The following PBRM1 variants were observed in gnomAD, a reference collection of about 807,000 sequenced individuals.
The protein encoded by PBRM1 is polybromo 1, also known as protein polybromo-1.
PBRM1 carries 27 observed loss-of-function variants against 194.5 expected under a neutral mutation model. The ratio of observed to expected loss-of-function variants is 0.14; its 90% CI spans 0.10 to 0.19. The LOEUF (loss-of-function observed/expected upper bound fraction) is 0.19, where lower values mean the gene tolerates loss of function less well. Ranked by LOEUF, PBRM1 falls within the 10% of genes least tolerant of loss-of-function variation. PBRM1 has a pLI of 1.00. For synonymous variants in PBRM1, 655 were observed against 693.2 expected, an observed-to-expected ratio of 0.94 and a Z score of 0.87; for missense variants, 1,466 against 2,077.2, an observed-to-expected ratio of 0.71 and a Z score of 5.72.
chr3:52,647,872 G>C (rs762101033), intron 7 of PBRM1, among the ~76,000 whole-genome samples: 15 of 151,986 alleles, frequency 9.9e-5, no homozygotes, highest in Non-Finnish European at 1.8e-4. Flanking sequence ...TGGAGTGATG[G>C]CTGCCCAACT....
At chr3:52,576,437 G>T in intron 22 of PBRM1, 104 bp downstream of exon 24, 2 of 681,900 alleles carry the variant, frequency 2.9e-6, no homozygotes, top group Non-Finnish European at 4.6e-6. Flanking sequence ...TTTGGATTTG[G>T]GCACTGCTCT....
At chr3:52,632,002 T>G (rs1019531587) in intron 11 of PBRM1, among the ~76,000 whole-genome samples, 2 of 152,216 alleles carry the variant, frequency 1.3e-5, no homozygotes, top group Admixed American at 1.3e-4. Flanking sequence ...TTGAATGTTT[T>G]GAATTTTTAT....
rs58430288 is a variant in PBRM1, at chr3:52,571,856, C to CAAAAAAAAAAAA, written c.3691+4673_3691+4684dup. Among the ~76,000 whole-genome samples the CAAAAAAAAAAAA allele has an allele frequency of 2.0e-3, 74 of 37,090 alleles. 27 individuals are homozygous for CAAAAAAAAAAAA. Among genetic ancestry groups the CAAAAAAAAAAAA allele is most frequent in the African/African-American group, 7.9e-3 (69 of 8,722 alleles). 24.3% of individuals were successfully genotyped at this position (37,090 alleles called of 152,430 possible). On this transcript the variant is annotated intron_variant, in intron 22 of 29. Coordinates refer to ENST00000296302, the Ensembl canonical transcript of PBRM1. The stretch of plus-strand genomic sequence containing the variant: ...GAGCAAGAGGGATACCTCATCTCCC[C>CAAAAAAAAAAAA]AAAAAAAAAAAAAAAAAAAAAAAAA...
At chr3:52,667,104 C>T (rs1195183407) in intron 3 of PBRM1, among the ~76,000 whole-genome samples, 1 of 151,982 alleles carries the variant, frequency 6.6e-6, no homozygotes, top group East Asian at 1.9e-4. Flanking sequence ...TTATAAAAGA[C>T]AAAAATCAAT....
chr3:52,633,942 C>T (rs2095708018), intron 11 of PBRM1, among the ~76,000 whole-genome samples: 1 of 152,076 alleles, frequency 6.6e-6, no homozygotes, highest in South Asian at 2.1e-4. Flanking sequence ...ATCACTTTAA[C>T]ATTTTCTAAA....
intron 27 of PBRM1, 54 bp downstream of exon 29, chr3:52,554,670 G>A: frequency 6.9e-7 from 1 of 1,454,362 alleles, no homozygotes; most frequent in South Asian, 1.5e-5. Context: ...GTTGAAAGCG[G>A]AAAAAGAGAA....
chr3:52,618,780 T>TCACTCTTGTTGCCCAGGCTGGAGTGC (rs1314555958), intron 13 of PBRM1, among the ~76,000 whole-genome samples: 1 of 149,034 alleles, frequency 6.7e-6, no homozygotes, highest in Non-Finnish European at 1.5e-5. Context: ...AGATGGAGTT[T>TCACTCTTGTTGCCCAGGCTGGAGTGC]CACTCTTGTT....
intron 27 of PBRM1, among the ~76,000 whole-genome samples, chr3:52,554,298 T>C (rs2081740979): frequency 6.6e-6 from 1 of 152,212 alleles, no homozygotes; most frequent in Non-Finnish European, 1.5e-5. Flanking sequence ...GAGATAAGAA[T>C]TGCACCAGAG....
intron 21 of PBRM1, among the ~76,000 whole-genome samples, chr3:52,577,017 C>T (rs939653024): frequency 2.0e-5 from 3 of 152,190 alleles, no homozygotes; most frequent in Admixed American, 6.5e-5. Flanking sequence ...CAGAACTAAG[C>T]ATTTGTCATT....
At chr3:52,673,405 A>C (rs1007434639) in intron 2 of PBRM1, among the ~76,000 whole-genome samples, 2 of 151,280 alleles carry the variant, frequency 1.3e-5, no homozygotes, top group Non-Finnish European at 2.9e-5. Flanking sequence ...GCAGTGGCTC[A>C]TGCCTGTAAT....
intron 29 of PBRM1, 43 bp from the exon 32 acceptor site, chr3:52,548,278 T>A (rs768393935): frequency 6.7e-7 from 1 of 1,491,202 alleles, no homozygotes; most frequent in South Asian, 1.3e-5. Context: ...GAATTTTAAG[T>A]TGGCAAAATT....
intron 5 of PBRM1, among the ~76,000 whole-genome samples, chr3:52,657,781 TTTTC>T (rs1361982982): frequency 6.6e-6 from 1 of 150,434 alleles, no homozygotes; most frequent in Non-Finnish European, 1.5e-5. Flanking sequence ...AACATCTTCC[TTTTC>T]TTTTTTTTTT....
At chr3:52,678,557 T>C (rs1241024217) in exon 2 of PBRM1, 6 of 1,613,560 alleles carry the variant, frequency 3.7e-6, no homozygotes, top group Non-Finnish European at 4.2e-6. Context: ...TTCATCCTTA[T>C]AGTCTCGGAT....
At chr3:52,651,496 GA>G (rs1157001522) in intron 6 of PBRM1, among the ~76,000 whole-genome samples, 1 of 152,154 alleles carries the variant, frequency 6.6e-6, no homozygotes, top group Non-Finnish European at 1.5e-5. Context: ...AATTAAAAAT[GA>G]AATAAATCTT....
intron 29 of PBRM1, among the ~76,000 whole-genome samples, chr3:52,548,710 G>C (rs2080090521): frequency 6.6e-6 from 1 of 152,132 alleles, no homozygotes; most frequent in Non-Finnish European, 1.5e-5. Flanking sequence ...ACAGGTGTGA[G>C]CCACTGCACC....
Position 52,550,667 on chromosome 3 carries a change from C to G in PBRM1, c.4681-30G>C. On this transcript the variant is annotated intron_variant, in intron 28 of 29. Transcript: ENST00000296302. ...AAGAGCACAGGACCACATGGTGAGG[C>G]AAAAAGAGACTCTGCACATGTTCTG... is the stretch of plus-strand genomic sequence containing the variant. The G allele has an allele frequency of 1.9e-6, 3 of 1,563,258 alleles. No individual in the cohort carries two copies. The East Asian group carries it at 6.8e-5, about 35-fold the overall frequency.
chr3:52,605,624 T>C (rs532435407), intron 16 of PBRM1, among the ~76,000 whole-genome samples: 11 of 148,706 alleles, frequency 7.4e-5, no homozygotes, highest in Non-Finnish European at 1.2e-4. Context: ...TTTTTTGAGA[T>C]GGAGTTTCGT....
upstream of PBRM1, chr3:52,682,372 G>A: frequency 8.1e-6 from 1 of 123,646 alleles, no homozygotes; most frequent in Non-Finnish European, 1.8e-5. Flanking sequence ...ATTTGACAAG[G>A]TTAAAAAAAA....
chr3:52,604,420 G>T (rs2094206351), intron 16 of PBRM1, among the ~76,000 whole-genome samples: 1 of 152,184 alleles, frequency 6.6e-6, no homozygotes, highest in South Asian at 2.1e-4. Flanking sequence ...AAATAAAGCG[G>T]CCAGGCATGG....
Sources: gnomAD v4.1 joint callset for allele counts (sites outside exome capture counted in the v4.1 genomes callset) on GRCh38, gnomAD v4.1.1 for gene constraint, MANE v1.5 for transcripts, NCBI Gene and HGNC (gene_info 2026-07-23, HGNC 2026-07-21) for gene names.